KANSL2: variants seen among roughly 807,000 people sequenced by gnomAD.
KANSL2 encodes the protein KAT8 regulatory NSL complex subunit 2, also known as NSL complex protein NSL2.
KANSL2 carries 34 observed loss-of-function variants against 55.6 expected under a neutral mutation model. The observed-to-expected ratio is 0.61, with a 90% CI of 0.46 to 0.81. KANSL2 has a LOEUF of 0.81. Ranked by LOEUF, KANSL2 falls within the 40% of genes least tolerant of loss-of-function variation. KANSL2 has a pLI of 0.00. For missense variants in KANSL2, 502 were observed against 609.9 expected (o/e 0.82, Z 1.86); for synonymous variants, 209 against 214.3 (o/e 0.98, Z 0.22).
At chr12:48,655,915 C>CACAT (rs1288626612) in intron 8 of KANSL2, among the ~76,000 whole-genome samples, 3 of 152,106 alleles carry the variant, frequency 2.0e-5, no homozygotes, top group Admixed American at 6.6e-5. Context: ...CCTACTTACA[C>CACAT]ACATACATAC....
intron 8 of KANSL2, among the ~76,000 whole-genome samples, chr12:48,656,946 T>C (rs1288529998): frequency 6.6e-6 from 1 of 152,260 alleles, no homozygotes; most frequent in Non-Finnish European, 1.5e-5. Flanking sequence ...TCTATTCATC[T>C]AGCTTCACGA....
intron 7 of KANSL2, among the ~76,000 whole-genome samples, chr12:48,664,663 C>T (rs1939557940): frequency 6.7e-6 from 1 of 149,466 alleles, no homozygotes; most frequent in African/African-American, 2.5e-5. Context: ...CCCACTGCAA[C>T]CTCCACCTCC....
chr12:48,681,869 T>C, intron 1 of KANSL2: 1 of 704,816 alleles, frequency 1.4e-6, no homozygotes, highest in Non-Finnish European at 2.6e-6. Context: ...ACGCTGAATG[T>C]ATCTTCAGGA....
intron 7 of KANSL2, among the ~76,000 whole-genome samples, chr12:48,662,829 C>T (rs572764758): frequency 2.7e-4 from 41 of 152,036 alleles, no homozygotes; most frequent in Non-Finnish European, 4.9e-4. Flanking sequence ...CTAAAATAGT[C>T]CTTAGTATCT....
At position 48,682,194 on chromosome 12, in the gene KANSL2, G is replaced by C. The variant is rs941179368; in HGVS notation, c.-17C>G. 5 of 677,688 alleles carry C rather than the reference G, an allele frequency of 7.4e-6. No homozygotes were observed. Among genetic ancestry groups the C allele is most frequent in the Non-Finnish European group, 1.3e-5 (5 of 371,816 alleles). The allele number at this position is 677,688 out of a possible 1,614,324, so 42.0% of individuals were successfully genotyped here. ...AGAGCACCGCCATCTTACCTCAGGA[G>C]CTGCGCTGCGCCGCACTCTGCCGCG... On this transcript the variant is annotated 5_prime_UTR_variant, in exon 1 of 10. Transcript: ENST00000420613.
At chr12:48,679,896 A>G (rs1939888895) in intron 2 of KANSL2, 63 bp from the exon 3 acceptor site, 5 of 1,304,502 alleles carry the variant, frequency 3.8e-6, no homozygotes, top group Non-Finnish European at 4.2e-6. Flanking sequence ...TAATGTTCAC[A>G]GTCCCTAATC....
At chr12:48,656,610 TAAAAAAA>T in intron 8 of KANSL2, 6 of 326,096 alleles carry the variant, frequency 1.8e-5, no homozygotes, top group Non-Finnish European at 2.9e-5. Flanking sequence ...TTTTGCTCTG[TAAAAAAA>T]AAAAAAAAAA....
chr12:48,679,259 AC>A (rs1400499453), intron 3 of KANSL2, 109 bp from the exon 4 acceptor site: 6 of 806,088 alleles, frequency 7.4e-6, no homozygotes, highest in Admixed American at 4.1e-5. Flanking sequence ...TAAAAACAAA[AC>A]AAAAAAAAAA....
At chr12:48,654,501 G>A (rs769429804) in intron 9 of KANSL2, 29 of 635,578 alleles carry the variant, frequency 4.6e-5, no homozygotes, top group Non-Finnish European at 7.4e-5. Flanking sequence ...ACAACTGCTG[G>A]TCTTCAGTCA....
chr12:48,667,833 CACAA>C lies in KANSL2; in HGVS notation c.877-48_877-45del, dbSNP rs764575262. The stretch of plus-strand genomic sequence containing the variant: ...GATAAAATAGACCCACAAAAGAACA[CACAA>C]ACAATTACGATGAAAATAGTTATAT... On this transcript the variant is annotated intron_variant, in intron 6 of 9. Coordinates refer to ENST00000420613, the MANE Select transcript of KANSL2 (RefSeq NM_017822.4). 15 of 1,339,894 alleles carry C rather than the reference CACAA, an allele frequency of 1.1e-5. No homozygotes were observed. The African/African-American group carries it at 1.6e-4, about 14-fold the overall frequency. 83.0% of individuals were successfully genotyped at this position (1,339,894 alleles called of 1,614,324 possible).
intron 7 of KANSL2, among the ~76,000 whole-genome samples, chr12:48,663,913 C>CTT (rs34879709): frequency 0.016 from 1,843 of 112,528 alleles, 62 homozygotes; most frequent in Admixed American, 0.048. Flanking sequence ...AACTATTAGC[C>CTT]TTTTTTTTTT....
chr12:48,658,368 A>C (rs979013024), intron 8 of KANSL2, among the ~76,000 whole-genome samples: 1 of 152,216 alleles, frequency 6.6e-6, no homozygotes, highest in African/African-American at 2.4e-5. Flanking sequence ...TAAGATTTTA[A>C]ACTGGGAAAA....
intron 4 of KANSL2, 123 bp downstream of exon 4, chr12:48,678,912 AC>A (rs1376063910): frequency 1.5e-6 from 1 of 645,378 alleles, no homozygotes; most frequent in African/African-American, 1.8e-5. Context: ...TATATACAGA[AC>A]CTCTTACTGC....
intron 5 of KANSL2, among the ~76,000 whole-genome samples, chr12:48,671,162 G>A (rs1315119594): frequency 6.6e-6 from 1 of 151,904 alleles, no homozygotes; most frequent in Non-Finnish European, 1.5e-5. Flanking sequence ...CTACTTGGGA[G>A]GCTGAGGTGG....
chr12:48,660,761 G>T, intron 7 of KANSL2, 142 bp from the exon 8 acceptor site: 1 of 850,084 alleles, frequency 1.2e-6, no homozygotes, highest in Non-Finnish European at 1.7e-6. Flanking sequence ...ACCAAATGCA[G>T]TTAGCAATTT....
intron 8 of KANSL2, chr12:48,656,711 G>C (rs1439351631): frequency 1.9e-6 from 1 of 518,616 alleles, no homozygotes; most frequent in East Asian, 5.5e-5. Context: ...CAGACCACAA[G>C]GAAGACATCA....
intron 4 of KANSL2, among the ~76,000 whole-genome samples, chr12:48,675,724 G>A (rs749598258): frequency 6.6e-6 from 1 of 152,154 alleles, no homozygotes. Flanking sequence ...AATGAATGCC[G>A]GCTGGTTCAT....
intron 7 of KANSL2, among the ~76,000 whole-genome samples, chr12:48,664,280 T>G (rs1021603690): frequency 4.1e-5 from 1 of 24,274 alleles, no homozygotes; most frequent in Non-Finnish European, 9.9e-5. Flanking sequence ...TTTTAAGCAA[T>G]TTTTTTTTTT....
chr12:48,669,167 G>A lies in KANSL2; in HGVS notation c.815C>T (p.Ala272Val). ...TTCCTTCAACTGCCTATGCAGTAAG[G>A]CTTCCACTCCATAGCGCTGGCGGTA... ...RRYRQRYGVE[A>V]LLHRQLKERR... Residue 272 changes from alanine (A) to valine (V), a missense_variant, in exon 6 of 10, where the codon GCC (alanine) becomes GTC (valine). By Grantham distance (64) the Ala-to-Val change is moderately conservative. Coordinates refer to ENST00000420613, the MANE Select transcript of KANSL2 (RefSeq NM_017822.4). 6.4e-7 allele frequency: 1 copy of A among 1,552,094 alleles called. No homozygotes were observed. The highest frequency in any genetic ancestry group is 1.2e-5 in the South Asian group (1 of 84,022).
Sources: gnomAD v4.1 joint callset for allele counts (sites outside exome capture counted in the v4.1 genomes callset) on GRCh38, gnomAD v4.1.1 for gene constraint, MANE v1.5 for transcripts, NCBI Gene and HGNC (gene_info 2026-07-23, HGNC 2026-07-21) for gene names.